TMEM175: variants seen among roughly 807,000 people sequenced by gnomAD.
The protein encoded by TMEM175 is endosomal/lysosomal proton channel TMEM175.
Under a neutral mutation model 36.5 loss-of-function variants are expected in TMEM175, and 36 were observed. The observed-to-expected ratio is 0.99, with a 90% confidence interval of 0.76 to 1.30. TMEM175 has a LOEUF of 1.30. Among genes scored for constraint, TMEM175 ranks in the 50% most tolerant of loss-of-function variants. The pLI is 0.00. For synonymous variants in TMEM175, 339 were observed against 313.4 expected (o/e 1.08, Z -0.86); for missense variants, 705 against 692.8 (o/e 1.02, Z -0.20).
intron 1 of TMEM175, among the ~76,000 whole-genome samples, chr4:941,219 T>C (rs1727440241): frequency 6.7e-6 from 1 of 149,540 alleles, no homozygotes; most frequent in Non-Finnish European, 1.5e-5. Context: ...CTACTAAAAA[T>C]ACAAAAATTA....
At position 947,706 on chromosome 4, in the gene TMEM175, C is replaced by T. The variant is rs910647704; in HGVS notation, c.-31-3C>T. On this transcript the variant is annotated splice_polypyrimidine_tract_variant and splice_region_variant and intron_variant, in intron 1 of 10. Coordinates refer to ENST00000264771, the MANE Select transcript of TMEM175 (RefSeq NM_032326.4). ...GCACACTCAGACCTGCCTTTCCTCC[C>T]AGGCTCCTGTAACCGCCAGGCAGCG... 1 of 1,573,850 alleles carries T rather than the reference C, an allele frequency of 6.4e-7. No homozygotes were observed. Among genetic ancestry groups the T allele is most frequent in the African/African-American group, 1.3e-5 (1 of 74,242 alleles).
At chr4:954,849 C>G (rs760354912) in intron 8 of TMEM175, among the ~76,000 whole-genome samples, 2 of 152,180 alleles carry the variant, frequency 1.3e-5, no homozygotes, top group African/African-American at 4.8e-5. Context: ...TATGAAGAAT[C>G]TCGTTGTGGT....
At chr4:957,759 C>A in intron 10 of TMEM175, 65 bp from the exon 11 acceptor site, 2 of 1,500,622 alleles carry the variant, frequency 1.3e-6, no homozygotes, top group Non-Finnish European at 1.8e-6. Flanking sequence ...GGCGCTCAGC[C>A]ACCCTGCTGG....
At chr4:947,313 C>T (rs1336048478) in intron 1 of TMEM175, among the ~76,000 whole-genome samples, 1 of 150,190 alleles carries the variant, frequency 6.7e-6, no homozygotes, top group East Asian at 2.0e-4. Context: ...TGCACGGGCC[C>T]TGTAGAGAAC....
At chr4:949,038 C>T (rs1336316940) in intron 3 of TMEM175, among the ~76,000 whole-genome samples, 1 of 152,158 alleles carries the variant, frequency 6.6e-6, no homozygotes, top group Non-Finnish European at 1.5e-5. Flanking sequence ...CACTGGGACC[C>T]CAGAGCCGCT....
intron 1 of TMEM175, among the ~76,000 whole-genome samples, chr4:933,439 G>A (rs1726335423): frequency 6.6e-6 from 1 of 151,980 alleles, no homozygotes; most frequent in South Asian, 2.1e-4. Context: ...CCCGGGAGGC[G>A]GGCGCCACTG....
rs535250871 is a variant in TMEM175, at chr4:939,943, A to G, written c.-32+7403A>G. ...AACTTTATAATATGCTGTTGAAAAT[A>G]GCCCATATGAACAATAGGTGAATAG... On this transcript the variant is annotated intron_variant, in intron 1 of 10. Transcript: ENST00000264771. Among the ~76,000 whole-genome samples, 7 of 152,348 alleles carry G rather than the reference A, an allele frequency of 4.6e-5. No homozygotes were observed. In the East Asian group the frequency reaches 1.2e-3, roughly 25 times the overall value.
rs547555946 is a variant in TMEM175 at position 955,932 on chromosome 4, A to G, written c.842+42A>G. ...ACCTGCCCCAGCTATCAGGTGGCCA[A>G]TGTGTCTTGAGTCCCTGGCGTCTCA... On this transcript the variant is annotated intron_variant, in intron 10 of 10. Coordinates refer to ENST00000264771, the MANE Select transcript of TMEM175 (RefSeq NM_032326.4). 1.5e-5 allele frequency: 24 copies of G among 1,601,784 alleles called. No individual in the cohort carries two copies. In the South Asian group the frequency reaches 1.7e-4, roughly 11 times the overall value.
rs1727637952 is a variant in TMEM175, at chr4:942,440, A to T, written c.-31-5269A>T. ...GAAAAAGACTTTTCTTTTCCCATCG[A>T]GTGGTCTCGGCATCCTTGTCAAAAT... On this transcript the variant is annotated intron_variant, in intron 1 of 10. Transcript: ENST00000264771. Among the ~76,000 whole-genome samples, 5 of 152,126 alleles carry T rather than the reference A, an allele frequency of 3.3e-5. No individual in the cohort carries two copies. The South Asian group carries it at 8.3e-4, about 25-fold the overall frequency.
chr4:936,995 A>G (rs1726866048), intron 1 of TMEM175, among the ~76,000 whole-genome samples: 1 of 152,072 alleles, frequency 6.6e-6, no homozygotes, highest in Non-Finnish European at 1.5e-5. Context: ...AAAGGATGAA[A>G]GAGGCCCTGA....
In TMEM175 at chr4:955,433, TCCTCC is replaced by T; in HGVS notation, c.660_664del (p.Pro221CysfsTer29). 1.9e-6 allele frequency: 3 copies of T among 1,614,156 alleles called. No homozygotes were observed. Among genetic ancestry groups the T allele is most frequent in the Non-Finnish European group, 2.5e-6 (3 of 1,180,004 alleles). On this transcript the variant is annotated frameshift_variant, in exon 9 of 11. Transcript: ENST00000264771. LOFTEE classifies it high-confidence loss of function. Reference sequence around the variant, plus strand: ...TACCTGCTGATGGTGACTGTCATCCTCCTCCCCTATGTCAGCAAGGTCACCGGCTG... The same window carrying T: ...TACCTGCTGATGGTGACTGTCATCCTCCTATGTCAGCAAGGTCACCGGCTG...
intron 10 of TMEM175, chr4:956,824 A>C: frequency 4.0e-6 from 1 of 246,982 alleles, no homozygotes; most frequent in Non-Finnish European, 8.0e-6. Context: ...CAGCACTGTG[A>C]CCACCTTGGG....
intron 4 of TMEM175, 58 bp downstream of exon 4, chr4:950,576 C>T: frequency 1.6e-6 from 2 of 1,285,528 alleles, no homozygotes; most frequent in Non-Finnish European, 1.1e-6. Context: ...CCGTACCCCG[C>T]ACCACATCAC....
In TMEM175 at chr4:932,733, G is replaced by A. The variant is rs1029623215; in HGVS notation, c.-32+193G>A. Among the ~76,000 whole-genome samples the A allele has an allele frequency of 1.3e-5, 2 of 152,260 alleles. No individual in the cohort carries two copies. Among genetic ancestry groups the A allele is most frequent in the Non-Finnish European group, 2.9e-5 (2 of 68,052 alleles). The stretch of plus-strand genomic sequence containing the variant: ...CTCTCAGTTGGCTAAGGAGCAAGGA[G>A]TTAGCGTGCGTTAAGCTTTCAGTAA... On this transcript the variant is annotated intron_variant, in intron 1 of 10. Transcript: ENST00000264771. The surrounding 1 kb of genome is among the most constrained non-coding windows in gnomAD (Gnocchi z 4.0).
chr4:956,105 C>CGGCCCCTCCCTTCCCAAA (rs796525258), intron 10 of TMEM175, among the ~76,000 whole-genome samples: 1 of 145,526 alleles, frequency 6.9e-6, no homozygotes, highest in South Asian at 2.2e-4. Context: ...CCCTTCCCAG[C>CGGCCCCTCCCTTCCCAAA]GGCTCCCACC....
chr4:957,167 C>T (rs182990203), intron 10 of TMEM175, among the ~76,000 whole-genome samples: 2 of 152,334 alleles, frequency 1.3e-5, no homozygotes, highest in Admixed American at 6.5e-5. Flanking sequence ...TGCCCCCAAC[C>T]CCCACCCCTC....
In TMEM175 at chr4:955,772, G is replaced by A. The variant is rs376372884; in HGVS notation, c.724G>A (p.Ala242Thr). 1 of 1,613,534 alleles carries A rather than the reference G, an allele frequency of 6.2e-7. No individual in the cohort carries two copies. The highest frequency in any genetic ancestry group is 8.5e-7 in the Non-Finnish European group (1 of 1,179,928). The change falls in exon 10 of 11, where the codon GCT becomes ACT. Residue 242 changes from alanine (A) to threonine (T), a missense_variant. By Grantham distance (58) the Ala-to-Thr change is moderately conservative. Transcript: ENST00000264771. ...DRLLGHREPS[A>T]HPVEVFSFDL... ...GTCCCCAGGCCACAGGGAGCCCTCG[G>A]CTCACCCAGTGGAAGTCTTCTCGTT...
At chr4:936,230 G>A (rs1203980106) in intron 1 of TMEM175, among the ~76,000 whole-genome samples, 11 of 151,726 alleles carry the variant, frequency 7.2e-5, no homozygotes, top group South Asian at 2.1e-4. Flanking sequence ...CTGTAGTTCC[G>A]GCTACTTGGG....
intron 3 of TMEM175, among the ~76,000 whole-genome samples, chr4:950,070 C>T (rs950057900): frequency 7.9e-5 from 12 of 152,138 alleles, no homozygotes; most frequent in Middle Eastern, 3.4e-3. Context: ...CAGCAGACAC[C>T]GAGCCCATTA....
Sources: allele counts gnomAD v4.1 joint callset (sites outside exome capture counted in the v4.1 genomes callset), GRCh38; gene constraint gnomAD v4.1.1; non-coding constraint Gnocchi (gnomAD v3.1); transcripts MANE v1.5; gene names NCBI Gene and HGNC (gene_info 2026-07-23, HGNC 2026-07-21).